CNGB1: variants seen among roughly 807,000 people sequenced by gnomAD.
CNGB1 encodes cyclic nucleotide gated channel subunit beta 1, also known as cyclic nucleotide-gated channel beta-1.
CNGB1 carries 126 observed loss-of-function variants against 151.7 expected under a neutral mutation model. The observed-to-expected ratio is 0.83, with a 90% CI of 0.72 to 0.96. The LOEUF (loss-of-function observed/expected upper bound fraction) is 0.96, where lower values mean the gene tolerates loss of function less well. Among genes scored for constraint, CNGB1 ranks in the 40% least tolerant of loss-of-function variants. The pLI is 0.00. For missense variants in CNGB1, 1,698 were observed against 1,627.0 expected, an observed-to-expected ratio of 1.04 and a Z score of -0.75; for synonymous variants, 623 against 635.1, an observed-to-expected ratio of 0.98 and a Z score of 0.29.
At chr16:57,932,666 G>C (rs1008962391) in intron 16 of CNGB1, among the ~76,000 whole-genome samples, 4 of 148,876 alleles carry the variant, frequency 2.7e-5, no homozygotes, top group African/African-American at 1.0e-4. Context: ...TGCAAGCTCC[G>C]CCTCCCAGGG....
intron 13 of CNGB1, 66 bp downstream of exon 13, chr16:57,950,315 G>A: frequency 6.3e-7 from 1 of 1,576,060 alleles, no homozygotes; most frequent in Non-Finnish European, 8.7e-7. Flanking sequence ...TTTGAGATAA[G>A]GTACTGCATG....
intron 7 of CNGB1, among the ~76,000 whole-genome samples, chr16:57,962,003 C>A (rs1962269090): frequency 6.6e-6 from 1 of 152,204 alleles, no homozygotes; most frequent in South Asian, 2.1e-4. Flanking sequence ...AGATTTCTAG[C>A]TTCTCTGGAA....
chr16:57,882,685 C>T lies in CNGB1; in HGVS notation c.*1479G>A, dbSNP rs1311996277. 2 of 152,000 alleles carry T rather than the reference C, an allele frequency of 1.3e-5. No individual in the cohort carries two copies. Among genetic ancestry groups the T allele is most frequent in the Admixed American group, 6.6e-5 (1 of 15,258 alleles). 9.4% of individuals were successfully genotyped at this position (152,000 alleles called of 1,614,324 possible). A position where few individuals can be genotyped will look rare whatever the true frequency, so the allele number is the denominator to read the frequency against. On this transcript the variant is annotated 3_prime_UTR_variant, in exon 33 of 33. Transcript: ENST00000251102. Reference sequence around the variant, plus strand: ...AAACAAATGGCCTAATACTAGAATACTAGATTTTGTTTTTAATCACTCACT... The same window carrying T: ...AAACAAATGGCCTAATACTAGAATATTAGATTTTGTTTTTAATCACTCACT...
chr16:57,920,326 G>A (rs1185576456), intron 19 of CNGB1, 61 bp downstream of exon 19: 1 of 1,595,356 alleles, frequency 6.3e-7, no homozygotes, highest in African/African-American at 1.3e-5. Flanking sequence ...GAGTTGACAG[G>A]GAACTTTGGA....
chr16:57,952,698 A>G (rs1284962341), intron 12 of CNGB1, among the ~76,000 whole-genome samples: 1 of 150,934 alleles, frequency 6.6e-6, no homozygotes, highest in African/African-American at 2.4e-5. Context: ...ATGGGGTTTC[A>G]CCGTATTGGC....
chr16:57,933,459 G>A (rs1402205842), intron 16 of CNGB1, among the ~76,000 whole-genome samples: 3 of 152,166 alleles, frequency 2.0e-5, no homozygotes, highest in Non-Finnish European at 2.9e-5. Flanking sequence ...CAGGGAGCCT[G>A]GACGTGGCCC....
chr16:57,915,481 T>C, intron 22 of CNGB1, 146 bp from the exon 23 acceptor site: 2 of 701,322 alleles, frequency 2.9e-6, no homozygotes, highest in East Asian at 5.4e-5. Flanking sequence ...GCAGAAGGTG[T>C]CCCACCGACA....
At chr16:57,920,565 G>A in intron 18 of CNGB1, 21 bp from the exon 19 acceptor site, 1 of 1,608,662 alleles carries the variant, frequency 6.2e-7, no homozygotes, top group Non-Finnish European at 8.5e-7. Flanking sequence ...ATCACCCAAA[G>A]CTGAGCAGGC....
chr16:57,928,272 A>T (rs1241082945), intron 17 of CNGB1, among the ~76,000 whole-genome samples: 5 of 152,224 alleles, frequency 3.3e-5, no homozygotes, highest in Non-Finnish European at 4.4e-5. Context: ...CTTGACTAGG[A>T]GTGTCACTCT....
intron 1 of CNGB1, among the ~76,000 whole-genome samples, chr16:57,969,885 C>T (rs1962496352): frequency 6.6e-6 from 1 of 152,210 alleles, no homozygotes; most frequent in Non-Finnish European, 1.5e-5. Context: ...TGCCCCACCC[C>T]TCTCCCAGCC....
chr16:57,897,591 G>A lies in CNGB1; in HGVS notation c.3096-48C>T, dbSNP rs151078189. ...GAGGCCCTTCAGAGACTGCCGTTTC[G>A]GTCACATTCAGATCTTCATTTCCCA... On this transcript the variant is annotated intron_variant, in intron 30 of 32. Coordinates refer to ENST00000251102, the MANE Select transcript of CNGB1 (RefSeq NM_001297.5). The A allele has an allele frequency of 2.5e-5, 40 of 1,612,284 alleles. No homozygotes were observed. The Admixed American group carries it at 6.2e-4, about 25-fold the overall frequency.
At position 57,959,942 on chromosome 16, in the gene CNGB1, T is replaced by C. The variant is rs1962196047; in HGVS notation, c.707A>G (p.Gln236Arg). Reference protein sequence around the residue: ...EPKEAPAPEPQPGSQAQTSSL... With the variant: ...EPKEAPAPEPRPGSQAQTSSL... ...GGAGGTCTGGGCCTGGGAGCCGGGC[T>C]GGGGCTCTGGAGCTGGTGCCTCCTT... is the stretch of plus-strand genomic sequence containing the variant. Residue 236 changes from glutamine to arginine, a missense_variant, in exon 10 of 33, where the codon CAG becomes CGG. By Grantham distance (43) the Gln-to-Arg change is conservative (BLOSUM62 1). Coordinates refer to ENST00000251102, the MANE Select transcript of CNGB1 (RefSeq NM_001297.5). The C allele has an allele frequency of 3.2e-6, 5 of 1,586,846 alleles. No individual in the cohort carries two copies. The highest frequency in any genetic ancestry group is 4.3e-6 in the Non-Finnish European group (5 of 1,164,902).
At chr16:57,898,983 G>A (rs1960311393) in intron 29 of CNGB1, among the ~76,000 whole-genome samples, 1 of 152,118 alleles carries the variant, frequency 6.6e-6, no homozygotes, top group African/African-American at 2.4e-5. Context: ...TATGACTGGT[G>A]TCCTAACAAA....
Position 57,960,075 on chromosome 16 carries a change from G to A in CNGB1, c.584-10C>T, listed in dbSNP as rs755551308. On this transcript the variant is annotated splice_polypyrimidine_tract_variant and intron_variant, in intron 9 of 32. Transcript: ENST00000251102. ...GGGCGTCCTGGAGGCGCTAAGCAGC[G>A]GGGAAAGCAGGAGCTAGAGACGCCA... The A allele has an allele frequency of 5.6e-5, 86 of 1,544,932 alleles. No individual in the cohort carries two copies. The highest frequency in any genetic ancestry group is 5.3e-4 in the South Asian group (45 of 84,578).
At position 57,882,789 on chromosome 16, in the gene CNGB1, T is replaced by A. The variant is rs1002556309; in HGVS notation, c.*1375A>T. 2 of 141,640 alleles carry A rather than the reference T, an allele frequency of 1.4e-5. No individual in the cohort carries two copies. Among genetic ancestry groups the A allele is most frequent in the Admixed American group, 7.4e-5 (1 of 13,474 alleles). The allele number at this position is 141,640 out of a possible 1,614,324, so 8.8% of individuals were successfully genotyped here. Reference sequence around the variant, plus strand: ...CCTGAATGACCCTTTTTTCTTTTTTTTTCTTTTTTCTTTTTTTTTTTTTGT... The same window carrying A: ...CCTGAATGACCCTTTTTTCTTTTTTATTCTTTTTTCTTTTTTTTTTTTTGT... On this transcript the variant is annotated 3_prime_UTR_variant, in exon 33 of 33. Transcript: ENST00000251102.
At chr16:57,896,690 G>T (rs1416394636) in intron 31 of CNGB1, among the ~76,000 whole-genome samples, 1 of 151,174 alleles carries the variant, frequency 6.6e-6, no homozygotes, top group Non-Finnish European at 1.5e-5. Context: ...TCCAGCCTGG[G>T]CGACAGAGCA....
chr16:57,901,302 CAGG>C, intron 29 of CNGB1, 47 bp downstream of exon 29: 1 of 1,579,608 alleles, frequency 6.3e-7, no homozygotes, highest in Non-Finnish European at 8.7e-7. Context: ...CCTTGAAAGC[CAGG>C]GGGATGGTGA....
In CNGB1 at chr16:57,957,354, A is replaced by G. The variant is rs1383386545; in HGVS notation, c.861T>C (p.Cys287=). 23 of 1,613,964 alleles carry G rather than the reference A, an allele frequency of 1.4e-5. No homozygotes were observed. Among genetic ancestry groups the G allele is most frequent in the Non-Finnish European group, 1.9e-5 (22 of 1,179,914 alleles). The change falls in exon 12 of 33, where the codon TGT becomes TGC. Residue 287 remains cysteine, a synonymous_variant. Coordinates refer to ENST00000251102, the MANE Select transcript of CNGB1 (RefSeq NM_001297.5). ...GEQEPDSPGI[C]DVQTISILPG... is the part of the protein sequence containing the mutation. ...TGTGTCACTTACTGGTCTGCACATCACATATCCCAGGGGAGTCAGGCTCCT... is the reference window on the plus strand; with the variant it reads ...TGTGTCACTTACTGGTCTGCACATCGCATATCCCAGGGGAGTCAGGCTCCT...
rs572964806 is a variant in CNGB1 at position 57,918,077 on chromosome 16, G to GC, written c.1958-602_1958-601insG. On this transcript the variant is annotated intron_variant, in intron 20 of 32. Coordinates refer to ENST00000251102, the MANE Select transcript of CNGB1 (RefSeq NM_001297.5). ...TGGATGGATGGATGGATGGATGGAT[G>GC]GATGGATAGATGGGTATTCCAGATC... Among the ~76,000 whole-genome samples the GC allele has an allele frequency of 4.7e-3, 714 of 151,924 alleles. 5 individuals carry two copies. Among genetic ancestry groups the GC allele is most frequent in the African/African-American group, 0.017 (688 of 41,426 alleles).
Sources: allele counts gnomAD v4.1 joint callset (sites outside exome capture counted in the v4.1 genomes callset), GRCh38; gene constraint gnomAD v4.1.1; transcripts MANE v1.5; gene names NCBI Gene and HGNC (gene_info 2026-07-23, HGNC 2026-07-21).